The following DCC variants were observed in gnomAD, a reference collection of about 807,000 sequenced individuals.
The protein encoded by DCC is netrin receptor DCC.
Under a neutral mutation model 172.5 loss-of-function variants are expected in DCC, and 58 were observed. That is an observed-to-expected ratio of 0.34 (90% CI 0.27 to 0.42). The LOEUF is 0.42. DCC is among the 10% of genes least tolerant of loss of function. The probability of loss-of-function intolerance (pLI) is 1.00; values close to 1 mark genes in which losing one functional copy is unlikely to be tolerated. For missense variants in DCC, 1,740 were observed against 1,791.0 expected, an observed-to-expected ratio of 0.97 and a Z score of 0.51; for synonymous variants, 709 against 644.5, an observed-to-expected ratio of 1.10 and a Z score of -1.52.
intron 5 of DCC, among the ~76,000 whole-genome samples, chr18:52,979,549 G>T (rs545473569): frequency 7.2e-5 from 11 of 152,140 alleles, no homozygotes; most frequent in Admixed American, 7.2e-4. Context: ...AGTTGTATTC[G>T]TCAAATTCAG....
intron 2 of DCC, among the ~76,000 whole-genome samples, chr18:52,808,429 A>C: frequency 1.3e-5 from 2 of 149,018 alleles, no homozygotes; most frequent in African/African-American, 2.5e-5. Flanking sequence ...ACAACCTCCC[A>C]CCCACAAAAG....
intron 27 of DCC, among the ~76,000 whole-genome samples, chr18:53,503,216 A>G (rs2046126127): frequency 6.6e-6 from 1 of 152,150 alleles, no homozygotes; most frequent in African/African-American, 2.4e-5. Flanking sequence ...ATTTTGCAAT[A>G]TTTTTATAGT....
chr18:52,473,853 C>T (rs1989014557), intron 1 of DCC, among the ~76,000 whole-genome samples: 1 of 151,936 alleles, frequency 6.6e-6, no homozygotes, highest in Non-Finnish European at 1.5e-5. Context: ...TGATTGTGGC[C>T]CTAGACTCAA....
chr18:52,657,984 G>A (rs2035286786), intron 1 of DCC, among the ~76,000 whole-genome samples: 2 of 151,968 alleles, frequency 1.3e-5, no homozygotes, highest in African/African-American at 2.4e-5. Flanking sequence ...GATTCTCTTT[G>A]CCTGGAGGAG....
chr18:52,610,937 T>C (rs970823204), intron 1 of DCC, among the ~76,000 whole-genome samples: 8 of 152,188 alleles, frequency 5.3e-5, no homozygotes, highest in African/African-American at 1.7e-4. Context: ...GACTTTTAAG[T>C]AGTGTAAATT....
chr18:52,818,989 C>A (rs1336010411), intron 2 of DCC, among the ~76,000 whole-genome samples: 2 of 152,098 alleles, frequency 1.3e-5, no homozygotes, highest in African/African-American at 2.4e-5. Context: ...CTTAACACTA[C>A]GGAGTTAGGC....
In DCC at chr18:52,674,401, T is replaced by C. The variant is rs116367686; in HGVS notation, c.92-77653T>C. ...AACCTTCTCCTTCCATTTGCTTCTG[T>C]TGAAGCCCACAACAGATTGGATGGT... On this transcript the variant is annotated intron_variant, in intron 1 of 28. Transcript: ENST00000442544. Among the ~76,000 whole-genome samples the C allele has an allele frequency of 2.4e-3, 371 of 152,292 alleles. 3 individuals are homozygous for C. Among genetic ancestry groups the C allele is most frequent in the African/African-American group, 8.4e-3 (349 of 41,562 alleles).
intron 5 of DCC, among the ~76,000 whole-genome samples, chr18:52,948,122 G>C (rs539648350): frequency 8.0e-4 from 122 of 152,228 alleles, no homozygotes; most frequent in Middle Eastern, 6.8e-3. Context: ...AAATCTAAAA[G>C]AATGTTGTTA....
At chr18:53,130,933 T>C (rs936554722) in intron 7 of DCC, among the ~76,000 whole-genome samples, 4 of 152,166 alleles carry the variant, frequency 2.6e-5, no homozygotes, top group Non-Finnish European at 5.9e-5. Context: ...CAGATTACAC[T>C]GTACTTGAGG....
At chr18:53,043,554 AATAAGCAAACCACC>A (rs2042198042) in intron 5 of DCC, among the ~76,000 whole-genome samples, 2 of 151,942 alleles carry the variant, frequency 1.3e-5, no homozygotes, top group Non-Finnish European at 2.9e-5. Context: ...TAGTTCCCTG[AATAAGCAAACCACC>A]ATAAGCAATT....
chr18:52,605,464 T>C (rs1012400283), intron 1 of DCC, among the ~76,000 whole-genome samples: 3 of 152,200 alleles, frequency 2.0e-5, no homozygotes, highest in African/African-American at 7.2e-5. Context: ...TTGCCATTTG[T>C]TCTGATATTA....
At position 53,041,312 on chromosome 18, in the gene DCC, T is replaced by A. The variant is rs563726759; in HGVS notation, c.986-21993T>A. 1.7e-3 allele frequency among the ~76,000 whole-genome samples: 262 copies of A among 152,210 alleles called. 2 individuals carry two copies. Among genetic ancestry groups the A allele is most frequent in the African/African-American group, 6.0e-3 (248 of 41,566 alleles). On this transcript the variant is annotated intron_variant, in intron 5 of 28. Coordinates refer to ENST00000442544, the MANE Select transcript of DCC (RefSeq NM_005215.4). ...TTGTTTTTGTCAGATTTGTCAAAGA[T>A]CAGATGGTTGTAGATGTGGTGTTAT...
chr18:53,167,193 TC>T (rs1198081562), intron 8 of DCC, among the ~76,000 whole-genome samples: 2 of 152,184 alleles, frequency 1.3e-5, no homozygotes, highest in African/African-American at 4.8e-5. Flanking sequence ...ATGTTAACAC[TC>T]TGAGGCACTT....
intron 25 of DCC, among the ~76,000 whole-genome samples, chr18:53,481,232 G>A (rs2045828560): frequency 1.3e-5 from 2 of 152,156 alleles, no homozygotes; most frequent in Admixed American, 1.3e-4. Flanking sequence ...ACAGGCATGT[G>A]AACTCCATGA....
chr18:53,278,525 G>A (rs940629664), intron 12 of DCC, among the ~76,000 whole-genome samples: 2 of 152,074 alleles, frequency 1.3e-5, no homozygotes, highest in African/African-American at 4.8e-5. Context: ...AGGTAAAACA[G>A]GATCTCTGTC....
At chr18:53,457,407 T>G (rs1004496488) in intron 23 of DCC, among the ~76,000 whole-genome samples, 10 of 152,222 alleles carry the variant, frequency 6.6e-5, no homozygotes, top group Non-Finnish European at 1.5e-5. Flanking sequence ...ACTACTTTCT[T>G]TATTCCAGGT....
intron 26 of DCC, among the ~76,000 whole-genome samples, chr18:53,489,763 A>G (rs942402532): frequency 2.0e-5 from 3 of 152,230 alleles, no homozygotes; most frequent in Non-Finnish European, 2.9e-5. Flanking sequence ...TGGTACATAC[A>G]TTTGCATTAC....
chr18:53,146,976 T>C (rs545054058), intron 7 of DCC, among the ~76,000 whole-genome samples: 44 of 152,216 alleles, frequency 2.9e-4, no homozygotes, highest in Non-Finnish European at 5.6e-4. Context: ...ACCCATCTTT[T>C]CTAGAGGAAT....
chr18:52,449,699 AT>A (rs928885126), intron 1 of DCC, among the ~76,000 whole-genome samples: 6 of 152,090 alleles, frequency 3.9e-5, no homozygotes, highest in African/African-American at 1.4e-4. Flanking sequence ...CTTACCTTTA[AT>A]TGTAGCCTCC....
Sources: gnomAD v4.1 joint callset for allele counts (sites outside exome capture counted in the v4.1 genomes callset) on GRCh38, gnomAD v4.1.1 for gene constraint, MANE v1.5 for transcripts, NCBI Gene and HGNC (gene_info 2026-07-23, HGNC 2026-07-21) for gene names.